The following KAZN variants were observed in gnomAD, a reference collection of about 807,000 sequenced individuals.
KAZN encodes the protein kazrin.
In KAZN, 40 loss-of-function variants were observed where a neutral mutation model predicts 87.4. That is an observed-to-expected ratio of 0.46 (90% CI 0.36 to 0.60). The LOEUF (loss-of-function observed/expected upper bound fraction) is 0.60, where lower values mean the gene tolerates loss of function less well. Among genes scored for constraint, KAZN ranks in the 20% least tolerant of loss-of-function variants. The pLI, the probability that KAZN is intolerant of heterozygous loss-of-function variation, is 0.00. For synonymous variants in KAZN, 466 were observed against 458.3 expected, an observed-to-expected ratio of 1.02 and a Z score of -0.22; for missense variants, 898 against 1,073.9, an observed-to-expected ratio of 0.84 and a Z score of 2.29.
At chr1:14,257,312 GGGTT>G (rs1650597617) in intron 2 of KAZN, among the ~76,000 whole-genome samples, 1 of 147,012 alleles carries the variant, frequency 6.8e-6, no homozygotes, top group African/African-American at 2.5e-5. Flanking sequence ...CTTTTTGATG[GGGTT>G]GTTTGTTTTT....
intron 1 of KAZN, among the ~76,000 whole-genome samples, chr1:14,873,646 A>G (rs1041662219): frequency 6.6e-6 from 1 of 152,204 alleles, no homozygotes; most frequent in Non-Finnish European, 1.5e-5. Flanking sequence ...TGAAATGAGA[A>G]GCCAGTGGTG....
intron 2 of KAZN, among the ~76,000 whole-genome samples, chr1:14,250,843 AAAG>A (rs148237156): frequency 0.015 from 2,276 of 152,180 alleles, 50 homozygotes; most frequent in African/African-American, 0.052. Context: ...TAATAGCAAA[AAAG>A]AAGAAACTAA....
At chr1:15,103,842 G>A (rs1379013122) in intron 12 of KAZN, among the ~76,000 whole-genome samples, 181 bp from the exon 13 acceptor site, 3 of 152,174 alleles carry the variant, frequency 2.0e-5, no homozygotes, top group Non-Finnish European at 2.9e-5. Context: ...TCAGTAACAG[G>A]AGGTCCCTGA....
intron 1 of KAZN, among the ~76,000 whole-genome samples, chr1:14,027,862 G>A (rs1641148764): frequency 6.6e-6 from 1 of 152,144 alleles, no homozygotes; most frequent in South Asian, 2.1e-4. Context: ...AACTTTGCCA[G>A]GCTGGTTTCA....
At chr1:14,598,311 T>C (rs1413314238), upstream of KAZN, among the ~76,000 whole-genome samples, 1 of 152,036 alleles carries the variant, frequency 6.6e-6, no homozygotes, top group African/African-American at 2.4e-5. This position sits in a 1 kb window ranked among gnomAD's most constrained non-coding sequence, Gnocchi z 4.2. Flanking sequence ...CGCAAGCGTC[T>C]CCCTTCCATG....
chr1:14,221,201 G>T (rs146744206), intron 2 of KAZN, among the ~76,000 whole-genome samples: 1 of 152,018 alleles, frequency 6.6e-6, no homozygotes, highest in Non-Finnish European at 1.5e-5. Context: ...CCATCCCTTT[G>T]TGGATGATTT....
At chr1:14,788,882 C>T (rs753235264) in intron 1 of KAZN, among the ~76,000 whole-genome samples, 12 of 152,064 alleles carry the variant, frequency 7.9e-5, no homozygotes, top group Admixed American at 2.0e-4. Context: ...TCTGGGACAC[C>T]CTGAGACACC....
At chr1:14,611,235 G>T (rs915141621) in intron 1 of KAZN, among the ~76,000 whole-genome samples, 26 of 152,196 alleles carry the variant, frequency 1.7e-4, no homozygotes, top group Admixed American at 1.6e-3. Context: ...CTGGGACTCT[G>T]ATCTCTGTTT....
chr1:14,413,899 C>T (rs1327193894), intron 2 of KAZN, among the ~76,000 whole-genome samples: 2 of 152,096 alleles, frequency 1.3e-5, no homozygotes, highest in Admixed American at 6.5e-5. Flanking sequence ...ATTGAAAGGT[C>T]ACAAAAGACA....
intron 1 of KAZN, among the ~76,000 whole-genome samples, chr1:14,113,900 A>G (rs1215183842): frequency 6.6e-6 from 1 of 152,138 alleles, no homozygotes; most frequent in Non-Finnish European, 1.5e-5. Context: ...CTGGCCAGTG[A>G]CCTGTGTGTG....
intron 1 of KAZN, among the ~76,000 whole-genome samples, chr1:13,934,959 G>A (rs887075495): frequency 1.3e-5 from 2 of 152,054 alleles, no homozygotes; most frequent in Admixed American, 6.6e-5. Context: ...CTTCAGGGCC[G>A]GGTGTGGTGG....
At chr1:13,939,766 TG>T (rs1640864279) in intron 1 of KAZN, among the ~76,000 whole-genome samples, 1 of 152,186 alleles carries the variant, frequency 6.6e-6, no homozygotes, top group Non-Finnish European at 1.5e-5. Flanking sequence ...AGCATGGTGT[TG>T]GCATCTGCTT....
At chr1:14,371,210 A>G (rs956369430) in intron 2 of KAZN, among the ~76,000 whole-genome samples, 1 of 152,138 alleles carries the variant, frequency 6.6e-6, no homozygotes, top group African/African-American at 2.4e-5. Flanking sequence ...CATTTGGGAC[A>G]AGTCCTGGGG....
chr1:15,101,164 T>TCTCTCTCTCTCTCTCTCTCTC (rs1553190085), intron 10 of KAZN, among the ~76,000 whole-genome samples: 7 of 127,768 alleles, frequency 5.5e-5, no homozygotes, highest in African/African-American at 1.4e-4. Flanking sequence ...GTCTCGGTCT[T>TCTCTCTCTCTCTCTCTCTCTC]TCTCTCTCTC....
chr1:15,009,047 G>A (rs910620187), intron 2 of KAZN, among the ~76,000 whole-genome samples: 4 of 152,172 alleles, frequency 2.6e-5, no homozygotes, highest in African/African-American at 9.7e-5. Flanking sequence ...TTTTGCACAC[G>A]AGCCCGCCCG....
intron 2 of KAZN, among the ~76,000 whole-genome samples, chr1:14,593,576 A>G (rs1036906137): frequency 4.6e-5 from 7 of 152,244 alleles, no homozygotes; most frequent in African/African-American, 1.7e-4. Flanking sequence ...CCAGGAGTTT[A>G]AAGACCTTCA....
intron 1 of KAZN, among the ~76,000 whole-genome samples, chr1:13,940,061 C>T (rs529347657): frequency 8.3e-4 from 126 of 152,248 alleles, no homozygotes; most frequent in African/African-American, 2.9e-3. Context: ...GAACAACATC[C>T]AAACTAAATC....
chr1:14,024,040 A>T (rs1224398393), intron 1 of KAZN, among the ~76,000 whole-genome samples: 4 of 152,216 alleles, frequency 2.6e-5, no homozygotes, highest in African/African-American at 9.7e-5. Flanking sequence ...CACCCCACGG[A>T]GAAGGAAATT....
At chr1:14,494,597 G>A (rs1341204965) in intron 2 of KAZN, among the ~76,000 whole-genome samples, 1 of 152,226 alleles carries the variant, frequency 6.6e-6, no homozygotes, top group South Asian at 2.1e-4. Context: ...TCTCCAGTGT[G>A]GCAAGGCAGG....
Sources: gnomAD v4.1 joint callset for allele counts (sites outside exome capture counted in the v4.1 genomes callset) on GRCh38, gnomAD v4.1.1 for gene constraint, Gnocchi (gnomAD v3.1) non-coding constraint, MANE v1.5 for transcripts, NCBI Gene and HGNC (gene_info 2026-07-23, HGNC 2026-07-21) for gene names.